CEMIP2: variants seen among roughly 807,000 people sequenced by gnomAD.
CEMIP2 encodes the protein cell migration inducing hyaluronidase 2, also known as cell surface hyaluronidase CEMIP2.
Under a neutral mutation model 146.9 loss-of-function variants are expected in CEMIP2, and 79 were observed. The ratio of observed to expected loss-of-function variants is 0.54; its 90% CI spans 0.45 to 0.65. CEMIP2 has a LOEUF of 0.65. Ranked by LOEUF, CEMIP2 falls within the 30% of genes least tolerant of loss-of-function variation. CEMIP2 has a pLI of 0.00. For missense variants in CEMIP2, 1,596 were observed against 1,696.2 expected (o/e 0.94, Z 1.04); for synonymous variants, 601 against 606.3 (o/e 0.99, Z 0.13).
chr9:71,727,382 A>G (rs1481260887), intron 10 of CEMIP2, among the ~76,000 whole-genome samples: 2 of 152,238 alleles, frequency 1.3e-5, no homozygotes, highest in Non-Finnish European at 2.9e-5. Context: ...ACTCTAGCAC[A>G]AACCTCATAC....
chr9:71,715,176 T>C (rs1164080466), intron 14 of CEMIP2, 87 bp from the exon 15 acceptor site: 12 of 1,366,886 alleles, frequency 8.8e-6, no homozygotes, highest in East Asian at 2.8e-5. Context: ...ACTGAAAAGC[T>C]AAAAGTTTTA....
chr9:71,713,997 T>C (rs1271498364), intron 15 of CEMIP2, among the ~76,000 whole-genome samples: 1 of 152,128 alleles, frequency 6.6e-6, no homozygotes, highest in East Asian at 1.9e-4. Flanking sequence ...GTGCTCGATA[T>C]TCCACAACAA....
chr9:71,721,357 T>C (rs1240962036), intron 12 of CEMIP2, among the ~76,000 whole-genome samples: 1 of 152,212 alleles, frequency 6.6e-6, no homozygotes, highest in Non-Finnish European at 1.5e-5. Flanking sequence ...GTTTATCTCT[T>C]CTATTTTTTC....
At chr9:71,762,712 A>G (rs911864882) in intron 1 of CEMIP2, among the ~76,000 whole-genome samples, 8 of 152,320 alleles carry the variant, frequency 5.3e-5, no homozygotes, top group East Asian at 1.9e-4. Context: ...CACTGGTGGC[A>G]TTAAAAAGCA....
intron 21 of CEMIP2, among the ~76,000 whole-genome samples, chr9:71,693,473 C>T (rs3780605): frequency 0.18 from 26,967 of 152,146 alleles, 2,512 homozygotes; most frequent in East Asian, 0.36. Context: ...TTTTCCTCAA[C>T]TGAAAAAATA....
chr9:71,704,374 T>C (rs1051840497), intron 18 of CEMIP2: 3 of 572,088 alleles, frequency 5.2e-6, no homozygotes, highest in African/African-American at 1.9e-5. Context: ...ATGTGCATAA[T>C]AACTTGACCA....
In CEMIP2 at chr9:71,746,196, C is replaced by T. The variant is rs770187535; in HGVS notation, c.472+5G>A. 4 of 1,612,666 alleles carry T rather than the reference C, an allele frequency of 2.5e-6. No homozygotes were observed. The highest frequency in any genetic ancestry group is 3.3e-5 in the Admixed American group (2 of 59,872). ...CAGTTCCCATAGGCAGGAACCATTACCTACCTCCATCCTGAATGACTATAG... is the reference window on the plus strand; with the variant it reads ...CAGTTCCCATAGGCAGGAACCATTATCTACCTCCATCCTGAATGACTATAG... On this transcript the variant is annotated splice_donor_5th_base_variant and intron_variant, in intron 3 of 23. Transcript: ENST00000377044.
At chr9:71,746,463 G>T in intron 2 of CEMIP2, 122 bp from the exon 3 acceptor site, 1 of 1,190,618 alleles carries the variant, frequency 8.4e-7, no homozygotes, top group Non-Finnish European at 1.2e-6. Flanking sequence ...TTGATTTCCT[G>T]CCATTAGAAT....
At chr9:71,753,770 T>C (rs1185313366) in intron 1 of CEMIP2, among the ~76,000 whole-genome samples, 5 of 152,198 alleles carry the variant, frequency 3.3e-5, no homozygotes, top group Non-Finnish European at 7.3e-5. Context: ...CAATATTATG[T>C]ATTAATTACT....
chr9:71,687,586 T>G (rs1822104124), intron 22 of CEMIP2, among the ~76,000 whole-genome samples: 2 of 151,980 alleles, frequency 1.3e-5, no homozygotes, highest in Non-Finnish European at 2.9e-5. Context: ...TTCAGCACTT[T>G]GGAAGGCTGA....
chr9:71,710,245 T>C (rs1054791599), intron 16 of CEMIP2, among the ~76,000 whole-genome samples: 1 of 152,252 alleles, frequency 6.6e-6, no homozygotes, highest in East Asian at 1.9e-4. Context: ...TTACAGTCTT[T>C]AGCTGCTTCT....
intron 17 of CEMIP2, among the ~76,000 whole-genome samples, chr9:71,708,540 T>A (rs1337073271): frequency 6.6e-6 from 1 of 152,140 alleles, no homozygotes; most frequent in Non-Finnish European, 1.5e-5. Context: ...CTTTAGAAAA[T>A]AACAAAGCCA....
rs532857240 is a variant in CEMIP2, at chr9:71,697,322, T to C, written c.3597+663A>G. ...GGAATTATCTGATTTCCTTTGGAAC[T>C]CCTTCTGTATGCCCAATTTTAGTTC... On this transcript the variant is annotated intron_variant, in intron 20 of 23. Transcript: ENST00000377044. Among the ~76,000 whole-genome samples, 18 of 152,340 alleles carry C rather than the reference T, an allele frequency of 1.2e-4. No homozygotes were observed. In the East Asian group the frequency reaches 3.3e-3, roughly 28 times the overall value.
chr9:71,752,211 T>C (rs927116882), intron 1 of CEMIP2, among the ~76,000 whole-genome samples: 5 of 151,636 alleles, frequency 3.3e-5, no homozygotes, highest in African/African-American at 9.7e-5. Flanking sequence ...CTTACACCAC[T>C]GTGTCTTTCC....
intron 12 of CEMIP2, among the ~76,000 whole-genome samples, chr9:71,719,571 C>G (rs1161239401): frequency 6.6e-6 from 1 of 152,184 alleles, no homozygotes; most frequent in Non-Finnish European, 1.5e-5. Flanking sequence ...GGAGACCAGT[C>G]AGAAGGATCT....
At chr9:71,704,564 A>T (rs760984312) in intron 18 of CEMIP2, 31 bp downstream of exon 18, 4 of 1,610,806 alleles carry the variant, frequency 2.5e-6, no homozygotes, top group Admixed American at 1.7e-5. Flanking sequence ...TACTTGCTCA[A>T]CTATTTGAAA....
At chr9:71,720,779 C>T (rs1564008304) in intron 12 of CEMIP2, among the ~76,000 whole-genome samples, 1 of 152,190 alleles carries the variant, frequency 6.6e-6, no homozygotes, top group African/African-American at 2.4e-5. Flanking sequence ...AGTATATGCA[C>T]AAGCTCTTGT....
rs1823490559 is a variant in CEMIP2, at chr9:71,728,284, TATATATATATATATATAC to T, written c.2049+1543_2049+1560del. 1.4e-4 allele frequency among the ~76,000 whole-genome samples: 3 copies of T among 21,648 alleles called. 1 individual carries two copies. The highest frequency in any genetic ancestry group is 3.4e-4 in the African/African-American group (3 of 8,834). 14.2% of individuals were successfully genotyped at this position (21,648 alleles called of 152,430 possible). The stretch of plus-strand genomic sequence containing the variant: ...ACGTATATATATATATATATATGTA[TATATATATATATATATAC>T]ATATATATATATATACGTATATATA... On this transcript the variant is annotated intron_variant, in intron 10 of 23. Coordinates refer to ENST00000377044, the MANE Select transcript of CEMIP2 (RefSeq NM_013390.3).
At chr9:71,728,863 A>C (rs901912438) in intron 10 of CEMIP2, among the ~76,000 whole-genome samples, 1 of 149,482 alleles carries the variant, frequency 6.7e-6, no homozygotes, top group Admixed American at 6.7e-5. Context: ...ACGGGGTCTC[A>C]CTCTGTTACC....
Sources: gnomAD v4.1 joint callset for allele counts (sites outside exome capture counted in the v4.1 genomes callset) on GRCh38, gnomAD v4.1.1 for gene constraint, MANE v1.5 for transcripts, NCBI Gene and HGNC (gene_info 2026-07-23, HGNC 2026-07-21) for gene names.